KIF26B: variants seen among roughly 807,000 people sequenced by gnomAD.
The protein encoded by KIF26B is kinesin-like protein KIF26B.
In KIF26B, 63 loss-of-function variants were observed where a neutral mutation model predicts 151.2. The observed-to-expected ratio is 0.42, with a 90% CI of 0.34 to 0.51. The LOEUF (loss-of-function observed/expected upper bound fraction) is 0.51, where lower values mean the gene tolerates loss of function less well. Among genes scored for constraint, KIF26B ranks in the 20% least tolerant of loss-of-function variants. The probability of loss-of-function intolerance (pLI) is 0.07; values close to 1 mark genes in which losing one functional copy is unlikely to be tolerated. For missense variants in KIF26B, 2,813 were observed against 2,913.6 expected (o/e 0.97, Z 0.79); for synonymous variants, 1,357 against 1,262.1 (o/e 1.08, Z -1.59).
At chr1:245,526,673 T>C (rs1250204516) in intron 4 of KIF26B, among the ~76,000 whole-genome samples, 1 of 152,210 alleles carries the variant, frequency 6.6e-6, no homozygotes, top group African/African-American at 2.4e-5. Flanking sequence ...AGCTTTGCTC[T>C]GAAAGAGCTA....
chr1:245,338,157 A>G (rs1405414383), intron 2 of KIF26B, among the ~76,000 whole-genome samples: 1 of 152,230 alleles, frequency 6.6e-6, no homozygotes, highest in Non-Finnish European at 1.5e-5. Flanking sequence ...AGCTTGAATT[A>G]TATCTCATAA....
intron 4 of KIF26B, among the ~76,000 whole-genome samples, chr1:245,521,685 ACTCATCCGT>A (rs376638481): frequency 6.7e-4 from 102 of 152,064 alleles, no homozygotes; most frequent in Admixed American, 2.9e-3. Flanking sequence ...CTGACCATCC[ACTCATCCGT>A]CTGTATTTGT....
At chr1:245,199,202 GTC>G (rs1669254045) in intron 2 of KIF26B, among the ~76,000 whole-genome samples, 1 of 152,106 alleles carries the variant, frequency 6.6e-6, no homozygotes, top group Admixed American at 6.5e-5. Context: ...ATCATTTTCT[GTC>G]TCTATCAGAT....
intron 3 of KIF26B, among the ~76,000 whole-genome samples, chr1:245,380,877 G>T (rs1009568541): frequency 6.6e-6 from 1 of 150,804 alleles, no homozygotes; most frequent in African/African-American, 2.4e-5. Context: ...AACTCAATGC[G>T]CTGTATTGTA....
chr1:245,412,878 T>C (rs1267394853), intron 3 of KIF26B, among the ~76,000 whole-genome samples: 1 of 152,204 alleles, frequency 6.6e-6, no homozygotes, highest in Non-Finnish European at 1.5e-5. Context: ...GAATGTCACA[T>C]GTACACGCAC....
At chr1:245,554,368 T>C (rs1661968674) in intron 5 of KIF26B, among the ~76,000 whole-genome samples, 1 of 152,196 alleles carries the variant, frequency 6.6e-6, no homozygotes, top group Admixed American at 6.5e-5. Context: ...TATATGACTT[T>C]TTCCCTGCTT....
chr1:245,414,494 G>A (rs921184303), intron 3 of KIF26B, among the ~76,000 whole-genome samples: 5 of 152,170 alleles, frequency 3.3e-5, no homozygotes, highest in Admixed American at 6.5e-5. Context: ...GGCTGAAGCC[G>A]TGGGCCCAGG....
At chr1:245,669,404 T>C (rs996148588) in intron 10 of KIF26B, among the ~76,000 whole-genome samples, 1 of 152,176 alleles carries the variant, frequency 6.6e-6, no homozygotes, top group African/African-American at 2.4e-5. Flanking sequence ...AAACAACCTA[T>C]AGAATGGGAG....
intron 2 of KIF26B, among the ~76,000 whole-genome samples, chr1:245,342,647 T>G (rs1015238519): frequency 2.6e-5 from 4 of 152,162 alleles, no homozygotes; most frequent in African/African-American, 9.7e-5. Flanking sequence ...CAATCCAGTC[T>G]GGTTTACCAG....
At chr1:245,433,438 G>A (rs1386799886) in intron 4 of KIF26B, among the ~76,000 whole-genome samples, 1 of 150,096 alleles carries the variant, frequency 6.7e-6, no homozygotes, top group African/African-American at 2.5e-5. Flanking sequence ...CTGCCCTCCA[G>A]CCTGGGTGAC....
chr1:245,238,966 T>C (rs1401744257), intron 2 of KIF26B, among the ~76,000 whole-genome samples: 1 of 152,214 alleles, frequency 6.6e-6, no homozygotes, highest in East Asian at 1.9e-4. Context: ...CTTCTGGGTG[T>C]TGGTAGCAAA....
At chr1:245,694,171 G>A (rs546631604) in intron 12 of KIF26B, among the ~76,000 whole-genome samples, 13 of 152,180 alleles carry the variant, frequency 8.5e-5, no homozygotes, top group South Asian at 2.1e-4. Context: ...TCCCCAGCAC[G>A]GGAGCACTTG....
intron 3 of KIF26B, among the ~76,000 whole-genome samples, chr1:245,382,215 C>T (rs1297087252): frequency 6.6e-6 from 1 of 152,148 alleles, no homozygotes; most frequent in Non-Finnish European, 1.5e-5. Context: ...TTTCTCCATA[C>T]CCTCCCCAGT....
At chr1:245,451,583 A>ATTTTTTT (rs1659392112) in intron 4 of KIF26B, among the ~76,000 whole-genome samples, 1 of 82,266 alleles carries the variant, frequency 1.2e-5, no homozygotes, top group Non-Finnish European at 2.5e-5. Flanking sequence ...CAGAAGATCT[A>ATTTTTTT]TCTTTTTTTT....
intron 3 of KIF26B, among the ~76,000 whole-genome samples, chr1:245,414,842 C>T (rs1372084572): frequency 6.6e-6 from 1 of 152,190 alleles, no homozygotes; most frequent in Non-Finnish European, 1.5e-5. Flanking sequence ...AGAGACTAAG[C>T]AAAGTTTACC....
intron 2 of KIF26B, among the ~76,000 whole-genome samples, chr1:245,243,164 G>A (rs1670242264): frequency 6.6e-6 from 1 of 152,148 alleles, no homozygotes; most frequent in Admixed American, 6.6e-5. Context: ...CTCCAAAGTG[G>A]CTGTTCCAGT....
intron 4 of KIF26B, among the ~76,000 whole-genome samples, chr1:245,506,928 C>T (rs1233859783): frequency 3.3e-5 from 5 of 152,204 alleles, no homozygotes; most frequent in African/African-American, 1.2e-4. Context: ...GATCCACCCA[C>T]GTCGGCCTCC....
chr1:245,561,999 C>G (rs902427900), intron 5 of KIF26B, among the ~76,000 whole-genome samples: 1 of 152,120 alleles, frequency 6.6e-6, no homozygotes, highest in Non-Finnish European at 1.5e-5. Context: ...GTGGTTTCTC[C>G]CAGGGCCGTT....
intron 3 of KIF26B, among the ~76,000 whole-genome samples, chr1:245,383,394 C>T (rs1011629716): frequency 7.2e-5 from 11 of 152,178 alleles, no homozygotes; most frequent in Non-Finnish European, 1.3e-4. Flanking sequence ...ACACAGCCTT[C>T]GTGCAGGGTC....
Sources: allele counts gnomAD v4.1 joint callset (sites outside exome capture counted in the v4.1 genomes callset), GRCh38; gene constraint gnomAD v4.1.1; transcripts MANE v1.5; gene names NCBI Gene and HGNC (gene_info 2026-07-23, HGNC 2026-07-21).